DAP: variants seen among roughly 807,000 people sequenced by gnomAD.
The protein encoded by DAP is death-associated protein 1.
A neutral mutation model predicts 13.8 loss-of-function variants in DAP; 8 were observed. The observed-to-expected ratio is 0.58, with a 90% CI of 0.34 to 1.05. The LOEUF is 1.05. DAP is among the 50% of genes least tolerant of loss of function. The pLI is 0.03. For missense variants in DAP, 106 were observed against 133.2 expected (o/e 0.80, Z 1.01); for synonymous variants, 47 against 47.5 (o/e 0.99, Z 0.04).
intron 3 of DAP, chr5:10,683,200 G>A (rs905694095): frequency 1.0e-5 from 4 of 381,702 alleles, no homozygotes; most frequent in African/African-American, 4.2e-5. Flanking sequence ...TGAATGTTCT[G>A]AGAACAGCAG....
At chr5:10,757,712 C>T (rs1026462979) in intron 1 of DAP, among the ~76,000 whole-genome samples, 5 of 152,214 alleles carry the variant, frequency 3.3e-5, no homozygotes, top group Admixed American at 2.6e-4. Context: ...AGTGTTTCCA[C>T]CAGTCTGCTG....
chr5:10,691,497 A>C (rs1435582782), intron 2 of DAP, among the ~76,000 whole-genome samples: 1 of 152,244 alleles, frequency 6.6e-6, no homozygotes, highest in African/African-American at 2.4e-5. Context: ...TGTACATGCA[A>C]AACACACCTA....
intron 2 of DAP, among the ~76,000 whole-genome samples, chr5:10,726,665 C>A (rs1739294724): frequency 6.6e-6 from 1 of 152,238 alleles, no homozygotes; most frequent in South Asian, 2.1e-4. Context: ...TCCAAGCTTA[C>A]CCTCGTTACA....
At chr5:10,712,022 T>G (rs1456763113) in intron 2 of DAP, among the ~76,000 whole-genome samples, 1 of 152,162 alleles carries the variant, frequency 6.6e-6, no homozygotes, top group African/African-American at 2.4e-5. Context: ...CCAGAATCTC[T>G]GAGTGTGACT....
chr5:10,749,778 G>A (rs976927873), intron 1 of DAP, among the ~76,000 whole-genome samples: 1 of 130,206 alleles, frequency 7.7e-6, no homozygotes, highest in African/African-American at 2.9e-5. Flanking sequence ...TATAATACCA[G>A]TTATCCTCCA....
intron 2 of DAP, among the ~76,000 whole-genome samples, chr5:10,684,166 C>A (rs1424604071): frequency 2.6e-5 from 4 of 152,180 alleles, no homozygotes; most frequent in African/African-American, 7.2e-5. Context: ...TAACTATGGG[C>A]AAGCCCATTT....
At position 10,760,952 on chromosome 5, in the gene DAP, GCCCCC is replaced by G. The variant is rs1740332648; in HGVS notation, c.55+57_55+61del. The G allele has an allele frequency of 3.7e-6, 4 of 1,087,814 alleles. No individual in the cohort carries two copies. The South Asian group carries it at 1.3e-4, about 35-fold the overall frequency. The allele number at this position is 1,087,814 out of a possible 1,614,324, so 67.4% of individuals were successfully genotyped here. A position where few individuals can be genotyped will look rare whatever the true frequency, so the allele number is the denominator to read the frequency against. On this transcript the variant is annotated intron_variant, in intron 1 of 3. Transcript: ENST00000230895. ...CCTCCCCGCGGAGCCCCCGCCCGGC[GCCCCC>G]GGGTTCGAGCCCGCCCCCGGCACCC...
chr5:10,724,366 T>A (rs1561023151), intron 2 of DAP, among the ~76,000 whole-genome samples: 1 of 152,380 alleles, frequency 6.6e-6, no homozygotes, highest in East Asian at 1.9e-4. Flanking sequence ...TGCTTTTAGT[T>A]CTTTTCAAAG....
chr5:10,717,919 G>C (rs189446969), intron 2 of DAP, among the ~76,000 whole-genome samples: 6 of 152,164 alleles, frequency 3.9e-5, no homozygotes, highest in Admixed American at 1.3e-4. Flanking sequence ...ATGGATAAAA[G>C]ACTAATTTGA....
chr5:10,726,094 CAT>C (rs1400884487), intron 2 of DAP, among the ~76,000 whole-genome samples: 11 of 152,202 alleles, frequency 7.2e-5, no homozygotes, highest in African/African-American at 2.7e-4. Flanking sequence ...CAACAGGACA[CAT>C]GACAGATGCT....
intron 2 of DAP, among the ~76,000 whole-genome samples, chr5:10,720,461 T>C (rs1199059055): frequency 1.3e-5 from 2 of 152,238 alleles, no homozygotes; most frequent in Non-Finnish European, 2.9e-5. Flanking sequence ...CCCCTGTGAG[T>C]GCTCACCAAT....
intron 2 of DAP, among the ~76,000 whole-genome samples, chr5:10,697,797 T>C (rs1738471119): frequency 6.6e-6 from 1 of 152,138 alleles, no homozygotes; most frequent in Admixed American, 6.5e-5. Context: ...TACTTCCATC[T>C]CCGGAAGCAC....
chr5:10,712,526 C>T lies in DAP; in HGVS notation c.153-28955G>A, dbSNP rs1045142733. ...AGGAGAGGTGCAGAGGAGGACTGAGCACGGTGTATTCTGCCGAGTAGATTC... is the reference window on the plus strand; with the variant it reads ...AGGAGAGGTGCAGAGGAGGACTGAGTACGGTGTATTCTGCCGAGTAGATTC... On this transcript the variant is annotated intron_variant, in intron 2 of 3. Coordinates refer to ENST00000230895, the MANE Select transcript of DAP (RefSeq NM_004394.3). Among the ~76,000 whole-genome samples, 25 of 152,112 alleles carry T rather than the reference C, an allele frequency of 1.6e-4. 1 individual carries two copies. The highest frequency in any genetic ancestry group is 2.6e-4 in the Non-Finnish European group (18 of 68,028).
At chr5:10,717,519 C>A (rs966465140) in intron 2 of DAP, among the ~76,000 whole-genome samples, 1 of 152,198 alleles carries the variant, frequency 6.6e-6, no homozygotes, top group African/African-American at 2.4e-5. Flanking sequence ...CCAGTAGTGG[C>A]AACATCCCCT....
chr5:10,757,880 G>A (rs943733242), intron 1 of DAP, among the ~76,000 whole-genome samples: 9 of 152,028 alleles, frequency 5.9e-5, no homozygotes, highest in Admixed American at 3.3e-4. Context: ...GTGCCACCCC[G>A]GGAATAAAGA....
chr5:10,685,321 G>A (rs1436468492), intron 2 of DAP, among the ~76,000 whole-genome samples: 1 of 59,172 alleles, frequency 1.7e-5, no homozygotes, highest in African/African-American at 1.3e-4. Flanking sequence ...ATTAATAGTC[G>A]GCCAGAAATG....
intron 2 of DAP, among the ~76,000 whole-genome samples, chr5:10,728,046 G>A (rs189228325): frequency 4.5e-4 from 67 of 149,048 alleles, no homozygotes; most frequent in African/African-American, 1.6e-3. Flanking sequence ...ACAGTTGGGT[G>A]ACTCTGCCGT....
chr5:10,699,128 G>A (rs1738503721), intron 2 of DAP, among the ~76,000 whole-genome samples: 1 of 152,170 alleles, frequency 6.6e-6, no homozygotes, highest in South Asian at 2.1e-4. Context: ...GAGCCACTAA[G>A]GATCTATATT....
At chr5:10,696,603 G>A (rs909009089) in intron 2 of DAP, among the ~76,000 whole-genome samples, 22 of 152,194 alleles carry the variant, frequency 1.4e-4, no homozygotes, top group African/African-American at 4.8e-4. Context: ...CACTGTGCTT[G>A]GAATAGGCCT....
Sources: gnomAD v4.1 joint callset for allele counts (sites outside exome capture counted in the v4.1 genomes callset) on GRCh38, gnomAD v4.1.1 for gene constraint, MANE v1.5 for transcripts, NCBI Gene and HGNC (gene_info 2026-07-23, HGNC 2026-07-21) for gene names.